DIAPH3: variants seen among roughly 807,000 people sequenced by gnomAD.
DIAPH3 encodes the protein diaphanous related formin 3.
DIAPH3 carries 117 observed loss-of-function variants against 144.3 expected under a neutral mutation model. That is an observed-to-expected ratio of 0.81 (90% CI 0.70 to 0.95). DIAPH3 has a LOEUF of 0.95. Among genes scored for constraint, DIAPH3 ranks in the 40% least tolerant of loss-of-function variants. DIAPH3 has a pLI of 0.00. For synonymous variants in DIAPH3, 519 were observed against 488.9 expected (o/e 1.06, Z -0.81); for missense variants, 1,421 against 1,412.7 (o/e 1.01, Z -0.09).
At chr13:60,115,423 A>T (rs569507094) in intron 2 of DIAPH3, among the ~76,000 whole-genome samples, 1 of 152,334 alleles carries the variant, frequency 6.6e-6, no homozygotes, top group South Asian at 2.1e-4. Context: ...GGAGAGATTA[A>T]CTGCTCAAGT....
intron 18 of DIAPH3, among the ~76,000 whole-genome samples, chr13:59,918,806 A>ACAAT: frequency 6.6e-6 from 1 of 152,268 alleles, no homozygotes; most frequent in Middle Eastern, 3.4e-3. Flanking sequence ...ATGCAAAAAG[A>ACAAT]CAATCAGGGA....
At chr13:60,137,131 G>C (rs2059305383) in intron 1 of DIAPH3, among the ~76,000 whole-genome samples, 1 of 152,092 alleles carries the variant, frequency 6.6e-6, no homozygotes, top group Admixed American at 6.5e-5. Flanking sequence ...CATACAGATG[G>C]GTAACAATGT....
intron 17 of DIAPH3, among the ~76,000 whole-genome samples, chr13:59,929,504 T>C (rs1481211583): frequency 6.6e-6 from 1 of 151,656 alleles, no homozygotes; most frequent in Non-Finnish European, 1.5e-5. Context: ...TTATGATACG[T>C]TTTATTCATT....
chr13:59,946,716 A>C (rs547348314), intron 17 of DIAPH3, among the ~76,000 whole-genome samples: 2 of 152,338 alleles, frequency 1.3e-5, no homozygotes, highest in South Asian at 2.1e-4. Context: ...ATCATACTTA[A>C]AATTGCAAAG....
At chr13:59,726,318 C>A (rs1162841976) in intron 27 of DIAPH3, among the ~76,000 whole-genome samples, 1 of 152,112 alleles carries the variant, frequency 6.6e-6, no homozygotes, top group African/African-American at 2.4e-5. Flanking sequence ...TACAATAAAA[C>A]AAGGATCACT....
At chr13:59,809,059 T>C (rs1023035097) in intron 25 of DIAPH3, among the ~76,000 whole-genome samples, 3 of 152,200 alleles carry the variant, frequency 2.0e-5, no homozygotes, top group Non-Finnish European at 4.4e-5. Flanking sequence ...TAGAATTTCT[T>C]TGCCCTATCA....
At chr13:59,787,550 T>G (rs1247020933) in intron 25 of DIAPH3, among the ~76,000 whole-genome samples, 2 of 152,104 alleles carry the variant, frequency 1.3e-5, no homozygotes, top group East Asian at 1.9e-4. Flanking sequence ...ACTTTGTTTC[T>G]ATTAAAAATA....
intron 20 of DIAPH3, among the ~76,000 whole-genome samples, chr13:59,894,073 T>C (rs2045959554): frequency 1.3e-5 from 2 of 152,130 alleles, no homozygotes; most frequent in African/African-American, 2.4e-5. Flanking sequence ...TTTCAAGCCA[T>C]TGATTTGGTG....
chr13:59,778,088 C>G (rs1390177934), intron 25 of DIAPH3, among the ~76,000 whole-genome samples: 2 of 152,174 alleles, frequency 1.3e-5, no homozygotes, highest in South Asian at 2.1e-4. Context: ...CACAAAACAA[C>G]TTACACAGTC....
In DIAPH3 at chr13:59,868,287, C is replaced by T. The variant is rs192130946; in HGVS notation, c.2608-6751G>A. 2.1e-3 allele frequency among the ~76,000 whole-genome samples: 319 copies of T among 152,202 alleles called. 3 individuals are homozygous for T. Among genetic ancestry groups the T allele is most frequent in the African/African-American group, 7.1e-3 (297 of 41,554 alleles). ...TAATAATAAGAATTTCTCATGGGAA[C>T]AATTAACAAAAATTGGAGTAAGTGC... On this transcript the variant is annotated intron_variant, in intron 21 of 27. Transcript: ENST00000400324.
chr13:59,776,495 G>T (rs186454146), intron 25 of DIAPH3, among the ~76,000 whole-genome samples: 98 of 151,522 alleles, frequency 6.5e-4, no homozygotes, highest in East Asian at 7.8e-4. Context: ...GATAGTAAAA[G>T]AAAAAGAAAA....
intron 27 of DIAPH3, among the ~76,000 whole-genome samples, chr13:59,754,205 T>C (rs2037149909): frequency 2.0e-5 from 3 of 152,148 alleles, no homozygotes; most frequent in Admixed American, 2.0e-4. Context: ...CTGATTCCAT[T>C]CAAAGAAAGG....
chr13:59,924,830 A>T lies in DIAPH3; in HGVS notation c.2115T>A (p.Ile705=). The change falls in exon 18 of 28, where the codon ATT becomes ATA. Residue 705 remains isoleucine, a synonymous_variant. Transcript: ENST00000400324. The stretch of plus-strand genomic sequence containing the variant: ...ACTTAAGTTCTTTAATTTTTTTCTT[A>T]ATCGATTTCTTCTCTTCAATATCTT... The part of the protein sequence containing the change: ...EEEDIEEKKS[I]KKKIKELKFL... The T allele has an allele frequency of 6.2e-7, 1 of 1,601,750 alleles. No homozygotes were observed. The highest frequency in any genetic ancestry group is 8.5e-7 in the Non-Finnish European group (1 of 1,171,528).
In DIAPH3 at chr13:59,981,216, A is replaced by G; in HGVS notation, c.1481-357T>C. Among the ~76,000 whole-genome samples the G allele has an allele frequency of 1.3e-5, 2 of 151,464 alleles. 1 individual carries two copies. The highest frequency in any genetic ancestry group is 3.9e-4 in the East Asian group (2 of 5,150). On this transcript the variant is annotated intron_variant, in intron 13 of 27. Coordinates refer to ENST00000400324, the MANE Select transcript of DIAPH3 (RefSeq NM_001042517.2). Reference sequence around the variant, plus strand: ...TAAAAAAAACAGCCAACAGTAATAAACAGAAAATTAGAAAAATTGATACTA... The same window carrying G: ...TAAAAAAAACAGCCAACAGTAATAAGCAGAAAATTAGAAAAATTGATACTA...
chr13:59,744,834 G>A (rs1279946241), intron 27 of DIAPH3, among the ~76,000 whole-genome samples: 1 of 152,124 alleles, frequency 6.6e-6, no homozygotes, highest in Non-Finnish European at 1.5e-5. Flanking sequence ...CAATCAGGGC[G>A]ACTGACCAAA....
intron 5 of DIAPH3, 60 bp downstream of exon 5, chr13:60,042,630 T>A: frequency 6.2e-7 from 1 of 1,605,206 alleles, no homozygotes; most frequent in Non-Finnish European, 8.5e-7. Context: ...AAAAAAAGTA[T>A]TAAACTAAAA....
At chr13:59,972,738 T>C (rs1767587723) in intron 15 of DIAPH3, among the ~76,000 whole-genome samples, 1 of 152,204 alleles carries the variant, frequency 6.6e-6, no homozygotes, top group African/African-American at 2.4e-5. Context: ...TGCTCTAGAA[T>C]AGTTCATTTG....
At chr13:60,050,558 AGAAGT>A (rs2056288739) in intron 4 of DIAPH3, among the ~76,000 whole-genome samples, 1 of 152,172 alleles carries the variant, frequency 6.6e-6, no homozygotes, top group African/African-American at 2.4e-5. Context: ...AGGAGGAGGA[AGAAGT>A]GAAGAAATCA....
At chr13:60,033,116 C>T (rs896145208) in intron 5 of DIAPH3, among the ~76,000 whole-genome samples, 2 of 152,180 alleles carry the variant, frequency 1.3e-5, no homozygotes, top group African/African-American at 4.8e-5. Flanking sequence ...CAATAAGTTC[C>T]TCATTTGCAT....
Sources: allele counts gnomAD v4.1 joint callset (sites outside exome capture counted in the v4.1 genomes callset), GRCh38; gene constraint gnomAD v4.1.1; transcripts MANE v1.5; gene names NCBI Gene and HGNC (gene_info 2026-07-23, HGNC 2026-07-21).